Variants in RIMS2 observed in about 807,000 individuals in gnomAD.
RIMS2 encodes regulating synaptic membrane exocytosis 2, also known as regulating synaptic membrane exocytosis protein 2.
RIMS2 carries 59 observed loss-of-function variants against 174.4 expected under a neutral mutation model. The ratio of observed to expected loss-of-function variants is 0.34; its 90% CI spans 0.27 to 0.42. The LOEUF (loss-of-function observed/expected upper bound fraction) is 0.42. Among genes scored for constraint, RIMS2 ranks in the 10% least tolerant of loss-of-function variants. The pLI is 1.00. For synonymous variants in RIMS2, 606 were observed against 572.5 expected (o/e 1.06, Z -0.84); for missense variants, 1,620 against 1,666.3 (o/e 0.97, Z 0.48).
At chr8:103,729,263 G>A (rs1257970775) in intron 2 of RIMS2, among the ~76,000 whole-genome samples, 1 of 152,010 alleles carries the variant, frequency 6.6e-6, no homozygotes, top group African/African-American at 2.4e-5. Flanking sequence ...CTTGTTCTTG[G>A]TCTATCCAAG....
intron 19 of RIMS2, among the ~76,000 whole-genome samples, chr8:104,026,563 GTTCCTTTAATGTGTACAAT>G (rs751500752): frequency 9.2e-5 from 14 of 152,104 alleles, no homozygotes; most frequent in Non-Finnish European, 1.9e-4. Context: ...AAAAAATTGT[GTTCCTTTAATGTGTACAAT>G]TTCTACATTG....
chr8:103,644,149 G>A (rs1412963788), intron 1 of RIMS2, among the ~76,000 whole-genome samples: 1 of 151,760 alleles, frequency 6.6e-6, no homozygotes, highest in Non-Finnish European at 1.5e-5. Flanking sequence ...GAGAAACTAA[G>A]ATTTGGAATT....
At chr8:104,018,726 T>C (rs1279877164) in intron 19 of RIMS2, among the ~76,000 whole-genome samples, 3 of 152,202 alleles carry the variant, frequency 2.0e-5, no homozygotes, top group Non-Finnish European at 4.4e-5. Flanking sequence ...AAGCAAATTA[T>C]AAAGAAATAT....
chr8:103,810,100 G>C (rs908699093), intron 3 of RIMS2, among the ~76,000 whole-genome samples: 1 of 152,086 alleles, frequency 6.6e-6, no homozygotes, highest in African/African-American at 2.4e-5. Flanking sequence ...GAATCTAACA[G>C]CAATTGTTTG....
chr8:103,891,143 G>C (rs1039723091), intron 4 of RIMS2, among the ~76,000 whole-genome samples: 7 of 152,172 alleles, frequency 4.6e-5, no homozygotes, highest in African/African-American at 1.7e-4. Flanking sequence ...AACCAATTGA[G>C]AGGATCATAA....
rs1408085403 is a variant in RIMS2, at chr8:104,021,191, A to T, written c.3334+6576A>T. On this transcript the variant is annotated intron_variant, in intron 19 of 23. Transcript: ENST00000504942. The stretch of plus-strand genomic sequence containing the variant: ...TTTTATAAAGAATGTCTACAGTGTT[A>T]TTTGTAAAACCTAATTAACACTAAA... 2.0e-5 allele frequency among the ~76,000 whole-genome samples: 3 copies of T among 152,068 alleles called. No homozygotes were observed. In the East Asian group the frequency reaches 5.8e-4, roughly 29 times the overall value.
intron 4 of RIMS2, among the ~76,000 whole-genome samples, chr8:103,896,823 T>G (rs2099281221): frequency 6.6e-6 from 1 of 151,606 alleles, no homozygotes; most frequent in South Asian, 2.1e-4. Context: ...CTATAAGGAC[T>G]TCTTATATGA....
At chr8:103,709,272 T>C (rs1156621374) in intron 2 of RIMS2, among the ~76,000 whole-genome samples, 1 of 152,072 alleles carries the variant, frequency 6.6e-6, no homozygotes, top group African/African-American at 2.4e-5. Flanking sequence ...CGATATTCTC[T>C]TTTGCTAATT....
At chr8:103,515,338 T>G (rs773183625) in intron 1 of RIMS2, among the ~76,000 whole-genome samples, 6 of 152,206 alleles carry the variant, frequency 3.9e-5, no homozygotes, top group Non-Finnish European at 7.3e-5. Context: ...TCACACAGTT[T>G]ATGAAAATTT....
At chr8:104,208,445 G>A (rs1186014440) in intron 19 of RIMS2, among the ~76,000 whole-genome samples, 1 of 151,926 alleles carries the variant, frequency 6.6e-6, no homozygotes, top group Admixed American at 6.6e-5. Flanking sequence ...GCGGGCACCT[G>A]TAATCCCAGC....
intron 1 of RIMS2, among the ~76,000 whole-genome samples, chr8:103,598,051 T>C (rs2094546287): frequency 6.6e-6 from 1 of 152,206 alleles, no homozygotes; most frequent in African/African-American, 2.4e-5. Context: ...ATGTAAGATA[T>C]ACTTTTTAGC....
chr8:103,776,603 A>G (rs982719470), intron 3 of RIMS2, among the ~76,000 whole-genome samples: 1 of 152,106 alleles, frequency 6.6e-6, no homozygotes, highest in Non-Finnish European at 1.5e-5. Context: ...TTTCAGCAGC[A>G]AGATGCTAAA....
chr8:103,544,233 C>G (rs928373546), intron 1 of RIMS2, among the ~76,000 whole-genome samples: 6 of 152,304 alleles, frequency 3.9e-5, no homozygotes, highest in African/African-American at 1.4e-4. Flanking sequence ...ACCTGAGTGA[C>G]AGGGCAGGTG....
chr8:103,661,589 T>G (rs974043411), intron 1 of RIMS2, among the ~76,000 whole-genome samples: 3 of 152,118 alleles, frequency 2.0e-5, no homozygotes, highest in Non-Finnish European at 4.4e-5. Flanking sequence ...CTGCAACTTC[T>G]GCCTCCCGGG....
At chr8:103,534,967 G>A (rs767655747) in intron 1 of RIMS2, among the ~76,000 whole-genome samples, 35 of 152,186 alleles carry the variant, frequency 2.3e-4, no homozygotes, top group South Asian at 4.1e-4. Flanking sequence ...TCTTTACATT[G>A]TATTGATTTT....
rs1301995270 is a variant in RIMS2 at position 104,037,423 on chromosome 8, T to C, written c.3334+22808T>C. Among the ~76,000 whole-genome samples the C allele has an allele frequency of 2.6e-5, 4 of 152,310 alleles. No homozygotes were observed. The East Asian group carries it at 5.8e-4, about 22-fold the overall frequency. ...CTTGTTTCTATGAGACATAGACACA[T>C]AGACACATATTGTTCAACTACAATT... On this transcript the variant is annotated intron_variant, in intron 19 of 23. Coordinates refer to ENST00000504942, the Ensembl canonical transcript of RIMS2.
chr8:104,254,726 T>G (rs2099365714), downstream of RIMS2: 1 of 152,186 alleles, frequency 6.6e-6, no homozygotes, highest in Non-Finnish European at 1.5e-5. Context: ...AATTTTTAAT[T>G]TAGTCATGGC....
rs919143622 is a variant in RIMS2 at position 104,043,812 on chromosome 8, A to G, written c.3334+29197A>G. Among the ~76,000 whole-genome samples, 5 of 151,682 alleles carry G rather than the reference A, an allele frequency of 3.3e-5. 1 individual carries two copies. The highest frequency in any genetic ancestry group is 1.2e-4 in the African/African-American group (5 of 41,394). On this transcript the variant is annotated intron_variant, in intron 19 of 23. Coordinates refer to ENST00000504942, the Ensembl canonical transcript of RIMS2. The stretch of plus-strand genomic sequence containing the variant: ...AGTTTGGGAATGCAAATAAAGCTAC[A>G]AATTTTGATGCTAGCATTTTTATAC...
intron 19 of RIMS2, among the ~76,000 whole-genome samples, chr8:104,027,847 G>A (rs755676139): frequency 6.6e-6 from 1 of 152,104 alleles, no homozygotes; most frequent in Non-Finnish European, 1.5e-5. Context: ...TCCCATCTGT[G>A]TTTTGTAGGG....
Sources: gnomAD v4.1 joint callset for allele counts (sites outside exome capture counted in the v4.1 genomes callset) on GRCh38, gnomAD v4.1.1 for gene constraint, MANE v1.5 for transcripts, NCBI Gene and HGNC (gene_info 2026-07-23, HGNC 2026-07-21) for gene names.